MECOM: variants seen among roughly 807,000 people sequenced by gnomAD.
MECOM encodes the protein MDS1 and EVI1 complex locus, also known as histone-lysine N-methyltransferase MECOM.
MECOM carries 13 observed loss-of-function variants against 116.3 expected under a neutral mutation model. The observed-to-expected ratio is 0.11, with a 90% CI of 0.07 to 0.18. MECOM has a LOEUF of 0.18. Ranked by LOEUF, MECOM falls within the 10% of genes least tolerant of loss-of-function variation. The pLI is 1.00. For synonymous variants in MECOM, 528 were observed against 535.2 expected (o/e 0.99, Z 0.19); for missense variants, 1,299 against 1,509.0 (o/e 0.86, Z 2.31).
intron 1 of MECOM, among the ~76,000 whole-genome samples, chr3:169,482,328 C>CTTTCT (rs1751420413): frequency 9.2e-6 from 1 of 108,396 alleles, no homozygotes; most frequent in African/African-American, 3.6e-5. Flanking sequence ...AACCCACGTT[C>CTTTCT]TTTTTTTTTT....
intron 2 of MECOM, among the ~76,000 whole-genome samples, chr3:169,359,887 G>A (rs1045593288): frequency 1.3e-5 from 2 of 151,742 alleles, no homozygotes; most frequent in African/African-American, 4.8e-5. Flanking sequence ...GTTTGAGTAA[G>A]TAAAGAATCA....
Position 169,433,426 on chromosome 3 carries a change from C to T in MECOM, c.38-51902G>A, listed in dbSNP as rs188011770. Among the ~76,000 whole-genome samples the T allele has an allele frequency of 4.9e-4, 74 of 151,796 alleles. No homozygotes were observed. In the East Asian group the frequency reaches 0.014, roughly 29 times the overall value. ...GAGGTTGCAGTGAGCAGAGATCACG[C>T]CATTGCACTCCAGCCTGGGCAACAA... On this transcript the variant is annotated intron_variant, in intron 1 of 16. Coordinates refer to ENST00000651503, the MANE Select transcript of MECOM (RefSeq NM_004991.4).
intron 1 of MECOM, among the ~76,000 whole-genome samples, chr3:169,641,903 G>T (rs1773537646): frequency 6.6e-6 from 1 of 152,174 alleles, no homozygotes; most frequent in Admixed American, 6.5e-5. Flanking sequence ...GGAGAAGAAG[G>T]TCCATATGAC....
At position 169,084,881 on chromosome 3, in the gene MECOM, G is replaced by T. The variant is rs747215205; in HGVS notation, c.*28C>A. ...AAAGAGCCATGCTACTGTTGGACTT[G>T]GTCCCACTCTGGTCAACCTTGATAA... On this transcript the variant is annotated 3_prime_UTR_variant, in exon 17 of 17. Coordinates refer to ENST00000651503, the MANE Select transcript of MECOM (RefSeq NM_004991.4). 8.7e-6 allele frequency: 14 copies of T among 1,613,552 alleles called. No homozygotes were observed. The highest frequency in any genetic ancestry group is 4.4e-5 in the South Asian group (4 of 90,988).
At chr3:169,402,524 C>T (rs1001548189) in intron 1 of MECOM, among the ~76,000 whole-genome samples, 17 of 152,058 alleles carry the variant, frequency 1.1e-4, no homozygotes, top group African/African-American at 3.6e-4. Context: ...GGCATGATGG[C>T]GCATGCCTAT....
At chr3:169,565,454 T>G (rs1763126274) in intron 1 of MECOM, among the ~76,000 whole-genome samples, 1 of 152,166 alleles carries the variant, frequency 6.6e-6, no homozygotes, top group Non-Finnish European at 1.5e-5. Context: ...TCTGTCCAGC[T>G]CTGGACATCT....
chr3:169,221,849 T>C (rs1752177562), intron 2 of MECOM, among the ~76,000 whole-genome samples: 1 of 152,156 alleles, frequency 6.6e-6, no homozygotes, highest in Non-Finnish European at 1.5e-5. Flanking sequence ...GGCATTATGA[T>C]GATACAAAGG....
At chr3:169,378,589 A>T (rs907542029) in intron 2 of MECOM, among the ~76,000 whole-genome samples, 2 of 83,024 alleles carry the variant, frequency 2.4e-5, no homozygotes, top group African/African-American at 8.4e-5. Context: ...AAAGAAAGTA[A>T]GTAAGTAAGT....
At chr3:169,115,326 G>T in intron 8 of MECOM, 57 bp downstream of exon 8, 1 of 1,540,066 alleles carries the variant, frequency 6.5e-7, no homozygotes, top group Non-Finnish European at 8.8e-7. Flanking sequence ...ACTTTACAGT[G>T]GAAATACCGC....
In MECOM at chr3:169,450,807, T is replaced by C. The variant is rs41497550; in HGVS notation, c.38-69283A>G. 2.0e-3 allele frequency among the ~76,000 whole-genome samples: 304 copies of C among 152,286 alleles called. 5 individuals carry two copies. The East Asian group carries it at 0.048, about 24-fold the overall frequency. ...TAAAAGCAGAAATTTTCACAAAAGC[T>C]GTGCATCAGGAGCTGTTATTACAAA... On this transcript the variant is annotated intron_variant, in intron 1 of 16. Transcript: ENST00000651503.
At chr3:169,319,628 G>A (rs904061943) in intron 2 of MECOM, among the ~76,000 whole-genome samples, 8 of 152,104 alleles carry the variant, frequency 5.3e-5, no homozygotes, top group African/African-American at 1.2e-4. Flanking sequence ...AGATGTTAAC[G>A]GTTGGGAAGA....
Position 169,501,034 on chromosome 3 carries a change from C to T in MECOM, c.38-119510G>A, listed in dbSNP as rs191719036. On this transcript the variant is annotated intron_variant, in intron 1 of 16. Coordinates refer to ENST00000651503, the MANE Select transcript of MECOM (RefSeq NM_004991.4). Reference sequence around the variant, plus strand: ...TTTTTATAAACTCAATGCATTTGTCCGTAGAATTCAGGAATACAACTTACT... The same window carrying T: ...TTTTTATAAACTCAATGCATTTGTCTGTAGAATTCAGGAATACAACTTACT... 2.3e-4 allele frequency among the ~76,000 whole-genome samples: 35 copies of T among 151,978 alleles called. 1 individual carries two copies. Among genetic ancestry groups the T allele is most frequent in the East Asian group, 1.4e-3 (7 of 5,184 alleles).
At chr3:169,278,770 T>C (rs889650584) in intron 2 of MECOM, among the ~76,000 whole-genome samples, 5 of 152,252 alleles carry the variant, frequency 3.3e-5, no homozygotes, top group Non-Finnish European at 7.3e-5. Flanking sequence ...TGAAGGTTCC[T>C]GATGCATGAC....
chr3:169,259,540 T>C (rs1317058049), intron 2 of MECOM, among the ~76,000 whole-genome samples: 1 of 151,710 alleles, frequency 6.6e-6, no homozygotes, highest in Non-Finnish European at 1.5e-5. Flanking sequence ...CTGGGCAACA[T>C]AGCAAGACCC....
At chr3:169,205,487 G>A (rs1749797620) in intron 2 of MECOM, among the ~76,000 whole-genome samples, 1 of 152,108 alleles carries the variant, frequency 6.6e-6, no homozygotes, top group African/African-American at 2.4e-5. Context: ...CTTCTGAAAA[G>A]TTAAGACAAG....
At chr3:169,149,077 C>CTTTTTT (rs60870748) in intron 2 of MECOM, among the ~76,000 whole-genome samples, 10 of 115,090 alleles carry the variant, frequency 8.7e-5, no homozygotes, top group African/African-American at 1.9e-4. Context: ...TCGGAGCTTT[C>CTTTTTT]TTTTTTTTTT....
intron 1 of MECOM, among the ~76,000 whole-genome samples, chr3:169,491,943 T>G (rs75188769): frequency 0.022 from 3,320 of 152,312 alleles, 134 homozygotes; most frequent in African/African-American, 0.076. Flanking sequence ...ATATTTTGCC[T>G]TGTTTGTTTA....
intron 1 of MECOM, among the ~76,000 whole-genome samples, chr3:169,573,382 A>C (rs573495129): frequency 6.6e-6 from 1 of 152,300 alleles, no homozygotes; most frequent in African/African-American, 2.4e-5. Context: ...TGAGGGCTGG[A>C]ATCTTGGAAA....
At chr3:169,341,606 GGC>G (rs1724542722) in intron 2 of MECOM, among the ~76,000 whole-genome samples, 1 of 151,812 alleles carries the variant, frequency 6.6e-6, no homozygotes, top group Non-Finnish European at 1.5e-5. Flanking sequence ...TGGGCTTGGT[GGC>G]GCATGCCTGT....
Sources: gnomAD v4.1 joint callset for allele counts (sites outside exome capture counted in the v4.1 genomes callset) on GRCh38, gnomAD v4.1.1 for gene constraint, MANE v1.5 for transcripts, NCBI Gene and HGNC (gene_info 2026-07-23, HGNC 2026-07-21) for gene names.